ARHGAP30: variants seen among roughly 807,000 people sequenced by gnomAD.
ARHGAP30 encodes Rho GTPase activating protein 30.
In ARHGAP30, 23 loss-of-function variants were observed where a neutral mutation model predicts 72.0. The observed-to-expected ratio is 0.32, with a 90% CI of 0.23 to 0.45. ARHGAP30 has a LOEUF of 0.45. Ranked by LOEUF, ARHGAP30 falls within the 20% of genes least tolerant of loss-of-function variation. The pLI is 1.00. For synonymous variants in ARHGAP30, 576 were observed against 528.2 expected, an observed-to-expected ratio of 1.09 and a Z score of -1.24; for missense variants, 1,319 against 1,383.4, an observed-to-expected ratio of 0.95 and a Z score of 0.74.
rs201640429 is a variant in ARHGAP30 at position 161,055,924 on chromosome 1, AT to A, written c.345+463del. Among the ~76,000 whole-genome samples, 22 of 24,482 alleles carry A rather than the reference AT, an allele frequency of 9.0e-4. 2 individuals carry two copies. The highest frequency in any genetic ancestry group is 2.4e-3 in the African/African-American group (18 of 7,544). The allele number at this position is 24,482 out of a possible 152,430, so 16.1% of individuals were successfully genotyped here. The stretch of plus-strand genomic sequence containing the variant: ...ATAAAATAAAATAAAATAAAATAAA[AT>A]AAAATAAAATAAATATAAAATAAAA... On this transcript the variant is annotated intron_variant, in intron 3 of 11. Coordinates refer to ENST00000368013, the MANE Select transcript of ARHGAP30 (RefSeq NM_001025598.2).
intron 1 of ARHGAP30, among the ~76,000 whole-genome samples, chr1:161,062,379 G>A (rs747135321): frequency 3.3e-5 from 5 of 151,922 alleles, no homozygotes; most frequent in Admixed American, 6.6e-5. Flanking sequence ...TATTATTCCC[G>A]TGCCTGGAAT....
intron 1 of ARHGAP30, among the ~76,000 whole-genome samples, chr1:161,066,816 A>G (rs1009465215): frequency 2.0e-5 from 3 of 152,002 alleles, no homozygotes; most frequent in African/African-American, 7.3e-5. Context: ...CTAGGATCCC[A>G]CTGACCTCAG....
At chr1:161,061,358 G>A (rs1055980295) in intron 1 of ARHGAP30, among the ~76,000 whole-genome samples, 1 of 151,744 alleles carries the variant, frequency 6.6e-6, no homozygotes, top group South Asian at 2.1e-4. Context: ...TAGAGACCGG[G>A]TTTCACCATG....
rs756597406 is a variant in ARHGAP30, at chr1:161,069,392, C to A, written c.97+136G>T. On this transcript the variant is annotated intron_variant, in intron 1 of 11. Coordinates refer to ENST00000368013, the MANE Select transcript of ARHGAP30 (RefSeq NM_001025598.2). The surrounding 1 kb of genome is among the most constrained non-coding windows in gnomAD (Gnocchi z 4.9). ...TTTCCTGTCTTGCCCACTTACAGTT[C>A]TCTTGAATGGTGACCCCAGGCCACT... The A allele has an allele frequency of 4.9e-6, 4 of 811,080 alleles. No homozygotes were observed. Among genetic ancestry groups the A allele is most frequent in the Non-Finnish European group, 7.8e-6 (4 of 512,884 alleles). The allele number at this position is 811,080 out of a possible 1,614,324, so 50.2% of individuals were successfully genotyped here.
chr1:161,064,830 AG>A (rs1201533610), intron 1 of ARHGAP30, among the ~76,000 whole-genome samples: 1 of 36,200 alleles, frequency 2.8e-5, no homozygotes, highest in Admixed American at 2.3e-4. Context: ...AAAGAAAGAA[AG>A]AGAAAGAAAG....
At chr1:161,066,329 G>A (rs1439635710) in intron 1 of ARHGAP30, among the ~76,000 whole-genome samples, 12 of 150,460 alleles carry the variant, frequency 8.0e-5, no homozygotes, top group East Asian at 2.0e-4. Flanking sequence ...GCCCATGCAC[G>A]GTCTTGAGTA....
chr1:161,048,176 T>A lies in ARHGAP30; in HGVS notation c.2845A>T (p.Met949Leu), dbSNP rs1289937237. The change falls in exon 12 of 12, where the codon ATG (methionine) becomes TTG (leucine). Residue 949 changes from methionine to leucine, a missense_variant. Physicochemically the swap from Met to Leu is conservative, Grantham distance 15 (BLOSUM62 2). Around this residue, in one of 2 missense-constraint regions of ARHGAP30, gnomAD observed 1,097 missense variants for 1,045.2 expected, o/e 1.05. Transcript: ENST00000368013. ...VVPPKPQFAK[M>L]PSAMCSKIHV... ...ATCTTGCTACACATTGCACTGGGCATCTTGGCAAACTGTGGCTTGGGGGGC... is the reference window on the plus strand; with the variant it reads ...ATCTTGCTACACATTGCACTGGGCAACTTGGCAAACTGTGGCTTGGGGGGC... 3.1e-6 allele frequency: 5 copies of A among 1,614,090 alleles called. No individual in the cohort carries two copies. The highest frequency in any genetic ancestry group is 4.2e-6 in the Non-Finnish European group (5 of 1,180,036).
At chr1:161,063,097 G>A (rs953729345) in intron 1 of ARHGAP30, among the ~76,000 whole-genome samples, 4 of 152,214 alleles carry the variant, frequency 2.6e-5, no homozygotes, top group Non-Finnish European at 5.9e-5. Flanking sequence ...ACAGGCGTGA[G>A]CCACTGCGCC....
At chr1:161,058,898 T>C (rs1213854274) in intron 2 of ARHGAP30, among the ~76,000 whole-genome samples, 1 of 150,568 alleles carries the variant, frequency 6.6e-6, no homozygotes, top group Non-Finnish European at 1.5e-5. Flanking sequence ...TGGAATTAGA[T>C]AGTGATGATT....
In ARHGAP30 at chr1:161,047,737, G is replaced by A. The variant is rs1310124765; in HGVS notation, c.3284C>T (p.Pro1095Leu). 1 of 1,529,006 alleles carries A rather than the reference G, an allele frequency of 6.5e-7. No homozygotes were observed. Among genetic ancestry groups the A allele is most frequent in the Non-Finnish European group, 8.8e-7 (1 of 1,139,644 alleles). 94.7% of individuals were successfully genotyped at this position (1,529,006 alleles called of 1,614,324 possible). ...RSYAFETQAN[P>L]GKGEGL is the part of the protein sequence containing the mutation. ...TAATCACAGTCCTTCACCTTTCCCA[G>A]GGTTAGCCTGTGTTTCAAATGCATA... Residue 1095 changes from proline (P) to leucine (L), a missense_variant, in exon 12 of 12, where the codon CCT becomes CTT. Around this residue, in one of 2 missense-constraint regions of ARHGAP30, gnomAD observed 1,097 missense variants for 1,045.2 expected, o/e 1.05. Coordinates refer to ENST00000368013, the MANE Select transcript of ARHGAP30 (RefSeq NM_001025598.2).
At position 161,064,773 on chromosome 1, in the gene ARHGAP30, GAAAGAAAA is replaced by G. The variant is rs1399654383; in HGVS notation, c.97+4747_97+4754del. 7.7e-4 allele frequency among the ~76,000 whole-genome samples: 70 copies of G among 90,442 alleles called. 1 individual carries two copies. Among genetic ancestry groups the G allele is most frequent in the African/African-American group, 2.7e-3 (62 of 22,576 alleles). The allele number at this position is 90,442 out of a possible 152,430, so 59.3% of individuals were successfully genotyped here. A position where few individuals can be genotyped will look rare whatever the true frequency, so the allele number is the denominator to read the frequency against. On this transcript the variant is annotated intron_variant, in intron 1 of 11. Transcript: ENST00000368013. ...CAAGAAAGAAAGAGAAAGAAAGAAA[GAAAGAAAA>G]AGAAAGAAAGAAAGAAAGAAAGAAA...
chr1:161,052,047 ACCACC>A (rs1557921113), intron 9 of ARHGAP30, among the ~76,000 whole-genome samples: 5 of 15,048 alleles, frequency 3.3e-4, no homozygotes, highest in Non-Finnish European at 7.2e-4. Context: ...CACCACCACC[ACCACC>A]ACCACCACAT....
rs1177142099 is a variant in ARHGAP30 at position 161,054,656 on chromosome 1, T to C, written c.395A>G (p.Glu132Gly). Residue 132 changes from glutamate (E) to glycine (G), a missense_variant, in exon 4 of 12, where the codon GAG (glutamate) becomes GGG (glycine). Transcript: ENST00000368013. ...TGGGACAGGGAGTTCCCGAAGCACC[T>C]CTAGGATCTTGACCAAGCGCTCAGG... ...LEPERLVKIL[E>G]VLRELPVPNY... The C allele has an allele frequency of 2.5e-6, 4 of 1,613,896 alleles. No individual in the cohort carries two copies. Among genetic ancestry groups the C allele is most frequent in the Non-Finnish European group, 2.5e-6 (3 of 1,180,030 alleles).
chr1:161,065,846 C>T (rs182096438), intron 1 of ARHGAP30, among the ~76,000 whole-genome samples: 48 of 151,728 alleles, frequency 3.2e-4, no homozygotes, highest in Admixed American at 6.6e-4. Flanking sequence ...GGATTACAGG[C>T]GTGAGCCACT....
At position 161,051,728 on chromosome 1, in the gene ARHGAP30, AAG is replaced by A; in HGVS notation, c.1019-15_1019-14del. 1 of 1,591,772 alleles carries A rather than the reference AAG, an allele frequency of 6.3e-7. No homozygotes were observed. The highest frequency in any genetic ancestry group is 1.1e-5 in the South Asian group (1 of 88,702). On this transcript the variant is annotated splice_polypyrimidine_tract_variant and intron_variant, in intron 9 of 11. Transcript: ENST00000368013. ...AGCCCCTCTGGCTCTGTGGAGGAAA[AAG>A]AGGGCCAGGTAGGCAATAGCCTAAA... is the stretch of plus-strand genomic sequence containing the variant.
At chr1:161,067,604 C>T (rs1001776408) in intron 1 of ARHGAP30, among the ~76,000 whole-genome samples, 2 of 125,546 alleles carry the variant, frequency 1.6e-5, no homozygotes, top group African/African-American at 5.4e-5. Flanking sequence ...GAAACCTGAA[C>T]AATCTATCAA....
chr1:161,064,178 C>G (rs1219487576), intron 1 of ARHGAP30, among the ~76,000 whole-genome samples: 2 of 152,206 alleles, frequency 1.3e-5, no homozygotes, highest in East Asian at 3.8e-4. Flanking sequence ...TGTGGGGCAT[C>G]ACGGATCCTA....
chr1:161,052,965 A>G, intron 6 of ARHGAP30, 168 bp from the exon 7 acceptor site: 3 of 978,686 alleles, frequency 3.1e-6, no homozygotes, highest in Non-Finnish European at 2.9e-6. Context: ...CTCATGGACA[A>G]AGAGGGCTGG....
chr1:161,061,447 C>CCAGCTAATTTTTG (rs1170798581), intron 1 of ARHGAP30, among the ~76,000 whole-genome samples: 7 of 150,290 alleles, frequency 4.7e-5, no homozygotes, highest in Admixed American at 6.6e-5. Context: ...GCCACCGCGC[C>CCAGCTAATTTTTG]TGACCTGCTT....
Sources: gnomAD v4.1 joint callset for allele counts (sites outside exome capture counted in the v4.1 genomes callset) on GRCh38, gnomAD v4.1.1 for gene constraint, gnomAD v4.1.1 regional missense constraint, Gnocchi (gnomAD v3.1) non-coding constraint, MANE v1.5 for transcripts, NCBI Gene and HGNC (gene_info 2026-07-23, HGNC 2026-07-21) for gene names.